PTPRD: variants seen among roughly 807,000 people sequenced by gnomAD.
The protein encoded by PTPRD is protein tyrosine phosphatase receptor type D, also known as receptor-type tyrosine-protein phosphatase delta.
Under a neutral mutation model 214.5 loss-of-function variants are expected in PTPRD, and 34 were observed. The ratio of observed to expected loss-of-function variants is 0.16; its 90% CI spans 0.12 to 0.21. PTPRD has a LOEUF of 0.21. Among genes scored for constraint, PTPRD ranks in the 10% least tolerant of loss-of-function variants. The probability of loss-of-function intolerance (pLI) is 1.00; values close to 1 mark genes in which losing one functional copy is unlikely to be tolerated. For missense variants in PTPRD, 2,545 were observed against 2,398.7 expected (o/e 1.06, Z -1.27); for synonymous variants, 1,128 against 845.7 (o/e 1.33, Z -5.79).
Position 8,989,352 on chromosome 9 carries a change from C to T in PTPRD, c.-104+29345G>A, listed in dbSNP as rs189796453. On this transcript the variant is annotated intron_variant, in intron 11 of 45. Coordinates refer to ENST00000381196, the MANE Select transcript of PTPRD (RefSeq NM_002839.4). ...TCATACCCCTTAACCAATTTCTCTT[C>T]ATTCCTCCTTCCGCTTTTGCTTCTC... 3.9e-4 allele frequency among the ~76,000 whole-genome samples: 59 copies of T among 152,178 alleles called. No individual in the cohort carries two copies. In the East Asian group the frequency reaches 7.4e-3, roughly 19 times the overall value.
At chr9:9,659,207 T>G (rs1414048392) in intron 7 of PTPRD, among the ~76,000 whole-genome samples, 2 of 152,124 alleles carry the variant, frequency 1.3e-5, no homozygotes, top group Non-Finnish European at 2.9e-5. Flanking sequence ...TATGTTTTTA[T>G]TTAATATGTT....
chr9:8,448,698 T>A (rs181481193), intron 34 of PTPRD, among the ~76,000 whole-genome samples: 40 of 152,348 alleles, frequency 2.6e-4, no homozygotes, highest in African/African-American at 9.1e-4. Context: ...GAAGAGTTAC[T>A]AGTTACTATG....
chr9:10,229,822 T>G (rs962718007), intron 3 of PTPRD, among the ~76,000 whole-genome samples: 1 of 151,814 alleles, frequency 6.6e-6, no homozygotes, highest in African/African-American at 2.4e-5. Flanking sequence ...CTGCACGTTA[T>G]GCACATGTAC....
intron 5 of PTPRD, among the ~76,000 whole-genome samples, chr9:9,774,727 TA>T (rs1334521720): frequency 6.6e-6 from 1 of 152,164 alleles, no homozygotes; most frequent in African/African-American, 2.4e-5. Flanking sequence ...GTTATTTTTT[TA>T]AAAAAGATTC....
chr9:10,026,176 C>A (rs2096919852), intron 4 of PTPRD, among the ~76,000 whole-genome samples: 1 of 152,172 alleles, frequency 6.6e-6, no homozygotes, highest in Admixed American at 6.5e-5. Flanking sequence ...TTTGAGTGCT[C>A]CTCATACAGT....
chr9:9,457,015 G>T (rs1588951673), intron 8 of PTPRD, among the ~76,000 whole-genome samples: 1 of 151,956 alleles, frequency 6.6e-6, no homozygotes, highest in Admixed American at 6.6e-5. Flanking sequence ...CAAATGGCAT[G>T]CCCAGTCATA....
At chr9:8,349,088 T>A (rs924530225) in intron 39 of PTPRD, among the ~76,000 whole-genome samples, 4 of 151,920 alleles carry the variant, frequency 2.6e-5, no homozygotes, top group African/African-American at 9.7e-5. Context: ...TAGGAAGCCC[T>A]CTCCCAGATC....
intron 4 of PTPRD, among the ~76,000 whole-genome samples, chr9:9,945,521 A>G (rs2092423794): frequency 6.6e-6 from 1 of 152,180 alleles, no homozygotes; most frequent in African/African-American, 2.4e-5. Flanking sequence ...AACCAAAAAC[A>G]GTGATTCAAA....
intron 3 of PTPRD, among the ~76,000 whole-genome samples, chr9:10,289,701 T>TAGGAA (rs1565066174): frequency 6.6e-6 from 1 of 152,192 alleles, no homozygotes; most frequent in Non-Finnish European, 1.5e-5. Flanking sequence ...AAGGGCTAAA[T>TAGGAA]AGGAAATCTT....
Position 9,795,173 on chromosome 9 carries a change from C to T in PTPRD, c.-367-28322G>A, listed in dbSNP as rs1019361853. ...TTCTACTTTGTCTTCCAATCTGTCA[C>T]ACTTTTGCTCCTGTCCTATGGTGTT... is the stretch of plus-strand genomic sequence containing the variant. On this transcript the variant is annotated intron_variant, in intron 5 of 45. Transcript: ENST00000381196. Among the ~76,000 whole-genome samples the T allele has an allele frequency of 3.3e-5, 5 of 152,192 alleles. No homozygotes were observed. In the East Asian group the frequency reaches 9.6e-4, roughly 29 times the overall value.
intron 12 of PTPRD, among the ~76,000 whole-genome samples, chr9:8,693,281 C>G (rs910096211): frequency 1.3e-5 from 2 of 152,168 alleles, no homozygotes; most frequent in Non-Finnish European, 2.9e-5. Flanking sequence ...AACACCTCAT[C>G]TTCTTGTCTC....
intron 4 of PTPRD, among the ~76,000 whole-genome samples, chr9:9,993,556 C>A (rs558187432): frequency 2.0e-4 from 30 of 152,188 alleles, no homozygotes; most frequent in Non-Finnish European, 2.9e-4. Flanking sequence ...AGGAAAAATA[C>A]ATTTTACTTG....
intron 5 of PTPRD, among the ~76,000 whole-genome samples, chr9:9,871,637 C>A (rs2065467303): frequency 6.6e-6 from 1 of 150,682 alleles, no homozygotes; most frequent in South Asian, 2.1e-4. Context: ...AGCAACCTAA[C>A]CTCCTTGGGC....
At chr9:9,515,345 G>C (rs1157697937) in intron 8 of PTPRD, among the ~76,000 whole-genome samples, 2 of 152,104 alleles carry the variant, frequency 1.3e-5, no homozygotes, top group East Asian at 3.9e-4. Context: ...AAAACACCTG[G>C]CTATATATCT....
At chr9:10,581,795 C>T (rs574685010) in intron 2 of PTPRD, among the ~76,000 whole-genome samples, 13 of 152,158 alleles carry the variant, frequency 8.5e-5, no homozygotes, top group Admixed American at 1.3e-4. Context: ...TTAAATGATG[C>T]TTTTTAACAA....
chr9:9,372,169 G>C (rs1233100020), intron 9 of PTPRD, among the ~76,000 whole-genome samples: 1 of 152,052 alleles, frequency 6.6e-6, no homozygotes, highest in Admixed American at 6.6e-5. Context: ...GGGTATCCTT[G>C]TTAACTTTCT....
chr9:9,115,147 G>A (rs1314927310), intron 10 of PTPRD, among the ~76,000 whole-genome samples: 1 of 152,116 alleles, frequency 6.6e-6, no homozygotes, highest in Non-Finnish European at 1.5e-5. Flanking sequence ...ATTTCTGGTG[G>A]TTATTCTATT....
intron 14 of PTPRD, among the ~76,000 whole-genome samples, chr9:8,572,882 T>C (rs1180798852): frequency 6.6e-6 from 1 of 152,068 alleles, no homozygotes; most frequent in Non-Finnish European, 1.5e-5. Context: ...ATCCTAAATA[T>C]TTCCAAAGTT....
intron 7 of PTPRD, among the ~76,000 whole-genome samples, chr9:9,604,756 C>T (rs2154340278): frequency 6.6e-6 from 1 of 151,950 alleles, no homozygotes; most frequent in South Asian, 2.1e-4. Context: ...CAAACATCAT[C>T]CATTTCTATG....
Sources: gnomAD v4.1 joint callset for allele counts (sites outside exome capture counted in the v4.1 genomes callset) on GRCh38, gnomAD v4.1.1 for gene constraint, MANE v1.5 for transcripts, NCBI Gene and HGNC (gene_info 2026-07-23, HGNC 2026-07-21) for gene names.